The following DTWD2 variants were observed in gnomAD, a reference collection of about 807,000 sequenced individuals.
The protein encoded by DTWD2 is DTW motif tRNA-uridine aminocarboxypropyltransferase 2.
In DTWD2, 39 loss-of-function variants were observed where a neutral mutation model predicts 31.8. That is an observed-to-expected ratio of 1.22 (90% confidence interval 0.95 to 1.60). DTWD2 has a LOEUF of 1.60. Ranked by LOEUF, DTWD2 falls within the 40% of genes most tolerant of loss-of-function variation. The pLI is 0.00. For missense variants in DTWD2, 515 were observed against 381.5 expected (o/e 1.35, Z -2.92); for synonymous variants, 180 against 142.8 (o/e 1.26, Z -1.86).
At chr5:118,883,785 T>A (rs777889324) in intron 4 of DTWD2, among the ~76,000 whole-genome samples, 1 of 152,156 alleles carries the variant, frequency 6.6e-6, no homozygotes, top group African/African-American at 2.4e-5. Context: ...GGGATTACAA[T>A]TGGAGATGAG....
At chr5:118,864,972 G>C (rs1421862153) in intron 4 of DTWD2, among the ~76,000 whole-genome samples, 2 of 151,870 alleles carry the variant, frequency 1.3e-5, no homozygotes, top group African/African-American at 4.8e-5. Context: ...AATCCTTTTT[G>C]CCTACAGAAA....
intron 4 of DTWD2, among the ~76,000 whole-genome samples, chr5:118,871,173 C>T (rs1204516621): frequency 2.0e-5 from 3 of 152,130 alleles, no homozygotes; most frequent in Non-Finnish European, 4.4e-5. Flanking sequence ...GAGATTTCAA[C>T]AATTCATTTG....
chr5:118,885,769 A>T (rs1444698469), intron 4 of DTWD2, among the ~76,000 whole-genome samples: 2 of 149,522 alleles, frequency 1.3e-5, no homozygotes, highest in Non-Finnish European at 3.0e-5. Context: ...TCTGTATTTA[A>T]AAAAAAAAAT....
chr5:118,985,998 T>C (rs528001141), intron 1 of DTWD2, among the ~76,000 whole-genome samples: 2 of 152,314 alleles, frequency 1.3e-5, no homozygotes, highest in East Asian at 3.9e-4. Flanking sequence ...TTTTTCATCT[T>C]TGTATTTCAT....
intron 3 of DTWD2, among the ~76,000 whole-genome samples, chr5:118,931,628 C>G (rs554895613): frequency 6.6e-6 from 1 of 152,148 alleles, no homozygotes; most frequent in African/African-American, 2.4e-5. Context: ...ACAGACAAAT[C>G]CAGTAATACA....
intron 4 of DTWD2, among the ~76,000 whole-genome samples, chr5:118,851,870 GT>G: frequency 6.6e-6 from 1 of 151,926 alleles, no homozygotes; most frequent in South Asian, 2.1e-4. Flanking sequence ...AGAAAACAGG[GT>G]TCAAGAGCAT....
rs191666450 is a variant in DTWD2 at position 118,910,738 on chromosome 5, A to C, written c.597+17799T>G. 1.1e-3 allele frequency among the ~76,000 whole-genome samples: 171 copies of C among 152,324 alleles called. No homozygotes were observed. The East Asian group carries it at 0.019, about 17-fold the overall frequency. ...TCCATTCAAGCTACTATAACAAAATACCTTAGGCTGGGTAATTAAACAACA... is the reference window on the plus strand; with the variant it reads ...TCCATTCAAGCTACTATAACAAAATCCCTTAGGCTGGGTAATTAAACAACA... On this transcript the variant is annotated intron_variant, in intron 4 of 5. Transcript: ENST00000510708.
chr5:118,870,854 T>C (rs772140960), intron 4 of DTWD2, among the ~76,000 whole-genome samples: 2 of 151,736 alleles, frequency 1.3e-5, no homozygotes, highest in African/African-American at 2.4e-5. Context: ...TTTTCCACAG[T>C]AAACTTTTTT....
intron 4 of DTWD2, among the ~76,000 whole-genome samples, chr5:118,900,519 G>C (rs892657786): frequency 6.6e-6 from 1 of 152,160 alleles, no homozygotes; most frequent in African/African-American, 2.4e-5. Flanking sequence ...AGAAAAAAAT[G>C]TATCTAAAAC....
chr5:118,852,136 CAAG>C (rs912501297), intron 4 of DTWD2, among the ~76,000 whole-genome samples: 1 of 152,122 alleles, frequency 6.6e-6, no homozygotes, highest in Non-Finnish European at 1.5e-5. Flanking sequence ...AGGCTCTCTG[CAAG>C]AAGAAAAATA....
intron 4 of DTWD2, among the ~76,000 whole-genome samples, chr5:118,917,799 T>A (rs1241043197): frequency 6.6e-6 from 1 of 152,066 alleles, no homozygotes; most frequent in African/African-American, 2.4e-5. Context: ...TGGTGAAACC[T>A]TGTCTCTACT....
intron 4 of DTWD2, among the ~76,000 whole-genome samples, chr5:118,921,760 C>T: frequency 6.6e-6 from 1 of 152,144 alleles, no homozygotes; most frequent in East Asian, 1.9e-4. Flanking sequence ...TCAGAATCTA[C>T]ATCTCAATGA....
chr5:118,836,173 C>A lies in DTWD2; in HGVS notation c.*4744G>T, dbSNP rs115469072. Reference sequence around the variant, plus strand: ...TTATTCGAATAATTTTTTTAAAAAACCTTACATTAAAAAGTTTCTTTTAAA... The same window carrying A: ...TTATTCGAATAATTTTTTTAAAAAAACTTACATTAAAAAGTTTCTTTTAAA... On this transcript the variant is annotated 3_prime_UTR_variant, in exon 6 of 6. Coordinates refer to ENST00000510708, the MANE Select transcript of DTWD2 (RefSeq NM_173666.4). Among the ~76,000 whole-genome samples the A allele has an allele frequency of 0.024, 3,681 of 151,982 alleles. 59 individuals carry two copies. The highest frequency in any genetic ancestry group is 0.026 in the Non-Finnish European group (1,791 of 67,960).
chr5:118,893,669 C>T (rs1753022783), intron 4 of DTWD2, among the ~76,000 whole-genome samples: 1 of 151,604 alleles, frequency 6.6e-6, no homozygotes, highest in Non-Finnish European at 1.5e-5. Flanking sequence ...AAACCCTTCC[C>T]AGAACTTTTA....
intron 1 of DTWD2, among the ~76,000 whole-genome samples, chr5:118,979,482 G>A (rs1223234058): frequency 6.6e-6 from 1 of 152,140 alleles, no homozygotes. Flanking sequence ...GAAATATCAT[G>A]TGACCTAGTA....
chr5:118,957,748 T>C (rs1416940453), intron 1 of DTWD2, among the ~76,000 whole-genome samples: 3 of 152,210 alleles, frequency 2.0e-5, no homozygotes, highest in African/African-American at 7.2e-5. Context: ...GAAGAAATTA[T>C]CAAGTTTATT....
At chr5:118,883,776 G>A (rs1171224256) in intron 4 of DTWD2, among the ~76,000 whole-genome samples, 8 of 151,998 alleles carry the variant, frequency 5.3e-5, no homozygotes, top group Non-Finnish European at 1.2e-4. Context: ...CAACATATGG[G>A]GATTACAATT....
chr5:118,868,744 C>A (rs566291336), intron 4 of DTWD2, among the ~76,000 whole-genome samples: 2 of 149,572 alleles, frequency 1.3e-5, no homozygotes, highest in Non-Finnish European at 3.0e-5. Context: ...GAGACTGAGG[C>A]AGAAGGATCA....
chr5:118,870,087 C>T (rs1338578770), intron 4 of DTWD2, among the ~76,000 whole-genome samples: 1 of 152,144 alleles, frequency 6.6e-6, no homozygotes, highest in African/African-American at 2.4e-5. Context: ...GCTTGCCCTC[C>T]CCAGAAGCAG....
Sources: allele counts gnomAD v4.1 joint callset (sites outside exome capture counted in the v4.1 genomes callset), GRCh38; gene constraint gnomAD v4.1.1; transcripts MANE v1.5; gene names NCBI Gene and HGNC (gene_info 2026-07-23, HGNC 2026-07-21).